The following SARS2 variants were observed in gnomAD, a reference collection of about 807,000 sequenced individuals.
SARS2 encodes the protein serine--tRNA ligase, mitochondrial.
Under a neutral mutation model 66.8 loss-of-function variants are expected in SARS2, and 52 were observed. The observed-to-expected ratio is 0.78, with a 90% CI of 0.62 to 0.98. The LOEUF is 0.98. Among genes scored for constraint, SARS2 ranks in the 50% least tolerant of loss-of-function variants. The probability of loss-of-function intolerance (pLI) is 0.00; values close to 1 mark genes in which losing one functional copy is unlikely to be tolerated. For synonymous variants in SARS2, 306 were observed against 281.4 expected, an observed-to-expected ratio of 1.09 and a Z score of -0.87; for missense variants, 673 against 706.3, an observed-to-expected ratio of 0.95 and a Z score of 0.53.
chr19:38,923,457 C>T lies in SARS2; in HGVS notation c.364-1190G>A, dbSNP rs545661285. On this transcript the variant is annotated intron_variant, in intron 2 of 15. Coordinates refer to ENST00000221431, the MANE Select transcript of SARS2 (RefSeq NM_017827.4). The stretch of plus-strand genomic sequence containing the variant: ...CGGGATGGTCTCGATCTCCTGACCT[C>T]GTGATCCGCCCACCTCGGCCTCCCA... Among the ~76,000 whole-genome samples, 222 of 122,724 alleles carry T rather than the reference C, an allele frequency of 1.8e-3. No individual in the cohort carries two copies. In the Middle Eastern group the frequency reaches 0.021, roughly 11 times the overall value. 80.5% of individuals were successfully genotyped at this position (122,724 alleles called of 152,430 possible).
intron 1 of SARS2, 77 bp downstream of exon 1, chr19:38,930,393 G>T (rs1419979214): frequency 1.3e-5 from 19 of 1,508,880 alleles, no homozygotes; most frequent in Non-Finnish European, 1.7e-5. Context: ...TTCGCCCCCT[G>T]CCGGAGGGCA....
At position 38,921,564 on chromosome 19, in the gene SARS2, T is replaced by C. The variant is rs772427133; in HGVS notation, c.497A>G (p.Gln166Arg). 6.2e-7 allele frequency: 1 copy of C among 1,614,204 alleles called. No individual in the cohort carries two copies. Among genetic ancestry groups the C allele is most frequent in the Non-Finnish European group, 8.5e-7 (1 of 1,180,020 alleles). Residue 166 changes from glutamine to arginine, a missense_variant, in exon 4 of 16, where the codon CAG becomes CGG. Physicochemically the swap from Gln to Arg is conservative, Grantham distance 43 (BLOSUM62 1). Transcript: ENST00000221431. ...GGTCTGGTTGGGCAGCTTCAGCGCC[T>C]GCAGGTAGAACTGCTCCTCAAGCTG... ...EAQLEEQFYL[Q>R]ALKLPNQTHP...
intron 15 of SARS2, 27 bp downstream of exon 15, chr19:38,915,814 C>T (rs1415241790): frequency 6.2e-7 from 1 of 1,613,362 alleles, no homozygotes; most frequent in South Asian, 1.1e-5. Context: ...TGAGCTGCCT[C>T]TCTGGGTGGG....
At chr19:38,918,271 T>C (rs1974454449) in intron 9 of SARS2, 132 bp from the exon 10 acceptor site, 1 of 1,152,956 alleles carries the variant, frequency 8.7e-7, no homozygotes, top group Admixed American at 2.0e-5. Context: ...ACTGTACTGC[T>C]GTACAGTAAA....
In SARS2 at chr19:38,916,443, G is replaced by A. The variant is rs116949167; in HGVS notation, c.1161-129C>T. ...AGCCCAGGAGTTTGAGACCAGCCTG[G>A]GCAACATAAGGAGACCTCATCTACT... On this transcript the variant is annotated intron_variant, in intron 12 of 15. Transcript: ENST00000221431. 1.6e-3 allele frequency: 1,153 copies of A among 740,068 alleles called. 8 individuals are homozygous for A. Among genetic ancestry groups the A allele is most frequent in the Admixed American group, 4.7e-3 (191 of 40,828 alleles). 45.8% of individuals were successfully genotyped at this position (740,068 alleles called of 1,614,324 possible). A position where few individuals can be genotyped will look rare whatever the true frequency, so the allele number is the denominator to read the frequency against.
At chr19:38,921,970 G>C (rs1974544817) in intron 3 of SARS2, 2 of 1,551,498 alleles carry the variant, frequency 1.3e-6, no homozygotes, top group Non-Finnish European at 1.7e-6. Flanking sequence ...GGAACTATCA[G>C]GAAAGCGTGC....
chr19:38,921,159 A>G (rs1354807258), intron 5 of SARS2, among the ~76,000 whole-genome samples: 2 of 152,196 alleles, frequency 1.3e-5, no homozygotes, highest in East Asian at 3.8e-4. Context: ...ATACAATCAC[A>G]CAACACAGGG....
At chr19:38,925,427 T>C (rs1256715218) in intron 2 of SARS2, among the ~76,000 whole-genome samples, 1 of 152,178 alleles carries the variant, frequency 6.6e-6, no homozygotes, top group Non-Finnish European at 1.5e-5. Context: ...AGGTGGAGGA[T>C]GGCCTCTGAT....
chr19:38,924,390 A>G (rs891307023), intron 2 of SARS2, among the ~76,000 whole-genome samples: 6 of 152,314 alleles, frequency 3.9e-5, no homozygotes, highest in East Asian at 3.9e-4. Flanking sequence ...AAGTGGGATG[A>G]TAACAGGACC....
chr19:38,918,549 C>A lies in SARS2; in HGVS notation c.808-19G>T. On this transcript the variant is annotated intron_variant, in intron 8 of 15. Coordinates refer to ENST00000221431, the MANE Select transcript of SARS2 (RefSeq NM_017827.4). ...AGCCTTCCTGGGGGAGGAGGCCAGG[C>A]CACAGGGATCAGGGGACAGGTAACC... The A allele has an allele frequency of 6.3e-7, 1 of 1,583,078 alleles. No homozygotes were observed. The highest frequency in any genetic ancestry group is 8.7e-7 in the Non-Finnish European group (1 of 1,151,796).
chr19:38,921,817 T>G lies in SARS2; in HGVS notation c.394-150A>C, dbSNP rs537394034. The G allele has an allele frequency of 2.2e-6, 3 of 1,339,488 alleles. No homozygotes were observed. The South Asian group carries it at 4.0e-5, about 18-fold the overall frequency. The allele number at this position is 1,339,488 out of a possible 1,614,324, so 83.0% of individuals were successfully genotyped here. ...CCTGAACGTCTTCGCAGAACTTCCC[T>G]TACCACCACATGGCAGGTTTGTGGG... On this transcript the variant is annotated intron_variant, in intron 3 of 15. Transcript: ENST00000221431.
rs2144760565 is a variant in SARS2 at position 38,916,201 on chromosome 19, C to T, written c.1254+20G>A. On this transcript the variant is annotated intron_variant, in intron 13 of 15. Transcript: ENST00000221431. ...GGCCTGTCCTCCTGCCCACCCCGTCCCCAGCGGCACAGGGCTCACCTCTCC... is the reference window on the plus strand; with the variant it reads ...GGCCTGTCCTCCTGCCCACCCCGTCTCCAGCGGCACAGGGCTCACCTCTCC... 6.2e-7 allele frequency: 1 copy of T among 1,613,812 alleles called. No individual in the cohort carries two copies.
At chr19:38,929,786 G>A (rs957955927) in intron 1 of SARS2, among the ~76,000 whole-genome samples, 1 of 152,192 alleles carries the variant, frequency 6.6e-6, no homozygotes, top group Admixed American at 6.5e-5. Context: ...GCTGGGAGGG[G>A]AGTCCAAGAG....
At chr19:38,921,024 GATACAGACAC>G (rs1974521276) in intron 5 of SARS2, among the ~76,000 whole-genome samples, 1 of 98,408 alleles carries the variant, frequency 1.0e-5, no homozygotes, top group African/African-American at 4.2e-5. Flanking sequence ...CAGATACACA[GATACAGACAC>G]ACACAGATAC....
chr19:38,917,631 G>A (rs994622509), intron 12 of SARS2, 93 bp downstream of exon 12: 1 of 824,520 alleles, frequency 1.2e-6, no homozygotes, highest in East Asian at 2.7e-5. Context: ...GGGGGCTGGA[G>A]AGGTGGTTCC....
intron 7 of SARS2, 52 bp from the exon 8 acceptor site, chr19:38,918,865 A>C: frequency 6.5e-7 from 1 of 1,527,876 alleles, no homozygotes; most frequent in East Asian, 2.4e-5. Flanking sequence ...ACCAGACCCC[A>C]AGCTCAGCCC....
intron 1 of SARS2, among the ~76,000 whole-genome samples, chr19:38,927,102 AAGTTTTGTATTTTTTAAT>A (rs2144780950): frequency 6.6e-6 from 1 of 151,662 alleles, no homozygotes; most frequent in African/African-American, 2.4e-5. Context: ...GCACCTGGCT[AAGTTTTGTATTTTTTAAT>A]AGAGGCAGGG....
chr19:38,925,108 G>A (rs1974605524), intron 2 of SARS2, among the ~76,000 whole-genome samples: 1 of 152,198 alleles, frequency 6.6e-6, no homozygotes, highest in Non-Finnish European at 1.5e-5. Flanking sequence ...GAGGTGATGA[G>A]TTTGAGACCA....
chr19:38,919,466 G>A (rs1392791785), intron 7 of SARS2, among the ~76,000 whole-genome samples: 1 of 152,176 alleles, frequency 6.6e-6, no homozygotes, highest in African/African-American at 2.4e-5. Context: ...ACCGCAAGCA[G>A]GCAGTGAGGT....
Sources: gnomAD v4.1 joint callset for allele counts (sites outside exome capture counted in the v4.1 genomes callset) on GRCh38, gnomAD v4.1.1 for gene constraint, MANE v1.5 for transcripts, NCBI Gene and HGNC (gene_info 2026-07-23, HGNC 2026-07-21) for gene names.